PSMC3IP: variants seen among roughly 807,000 people sequenced by gnomAD.
PSMC3IP encodes PSMC3 interacting protein, also known as homologous-pairing protein 2 homolog.
In PSMC3IP, 26 loss-of-function variants were observed where a neutral mutation model predicts 34.9. The observed-to-expected ratio is 0.74, with a 90% confidence interval of 0.55 to 1.03. The LOEUF is 1.03. PSMC3IP is among the 50% of genes least tolerant of loss of function. The pLI, the probability that PSMC3IP is intolerant of heterozygous loss-of-function variation, is 0.00. For synonymous variants in PSMC3IP, 87 were observed against 96.5 expected, an observed-to-expected ratio of 0.90 and a Z score of 0.57; for missense variants, 250 against 263.1, an observed-to-expected ratio of 0.95 and a Z score of 0.34.
Position 42,574,141 on chromosome 17 carries a change from TAGC to T in PSMC3IP, c.292_294del (p.Ala98del). 1 of 1,614,176 alleles carries T rather than the reference TAGC, an allele frequency of 6.2e-7. No individual in the cohort carries two copies. Among genetic ancestry groups the T allele is most frequent in the Non-Finnish European group, 8.5e-7 (1 of 1,180,026 alleles). On this transcript the variant is annotated inframe_deletion, in exon 4 of 8. Transcript: ENST00000393795. ...CAGCTCTGCTGCAAGCTCTGCACCTTAGCAGTGAGGGCCACGATTTTGCCATCT... is the reference window on the plus strand; with the variant it reads ...CAGCTCTGCTGCAAGCTCTGCACCTTAGTGAGGGCCACGATTTTGCCATCT...
intron 3 of PSMC3IP, among the ~76,000 whole-genome samples, chr17:42,575,969 C>A (rs1394112110): frequency 6.6e-6 from 1 of 152,006 alleles, no homozygotes; most frequent in Admixed American, 6.6e-5. Context: ...TATAGTGAGC[C>A]GAGATTGTGC....
At chr17:42,576,083 G>C (rs573275190) in intron 3 of PSMC3IP, among the ~76,000 whole-genome samples, 1 of 152,130 alleles carries the variant, frequency 6.6e-6, no homozygotes, top group Admixed American at 6.6e-5. Flanking sequence ...CAATTAGCTC[G>C]GAGCATTCAA....
chr17:42,574,761 C>CT (rs768419736), intron 3 of PSMC3IP, among the ~76,000 whole-genome samples: 4 of 150,662 alleles, frequency 2.7e-5, no homozygotes, highest in African/African-American at 9.8e-5. Context: ...TTCTCCCTCC[C>CT]TTCCCTCTTT....
At chr17:42,574,341 A>G in intron 3 of PSMC3IP, 131 bp from the exon 4 acceptor site, 1 of 1,519,332 alleles carries the variant, frequency 6.6e-7, no homozygotes, top group Middle Eastern at 2.2e-4. Context: ...GGGTCTGCAG[A>G]AATAGTGGGA....
At position 42,577,445 on chromosome 17, in the gene PSMC3IP, G is replaced by T. The variant is rs549020083; in HGVS notation, c.135+16C>A. 6.2e-7 allele frequency: 1 copy of T among 1,613,218 alleles called. No individual in the cohort carries two copies. ...GGGAGTCCGACGGAGAGGGAATCCC[G>T]GGAGAAGGTCCTCACCGCCTTGCCC... On this transcript the variant is annotated intron_variant, in intron 2 of 7. Coordinates refer to ENST00000393795, the MANE Select transcript of PSMC3IP (RefSeq NM_016556.4).
chr17:42,574,649 T>C (rs2093061489), intron 3 of PSMC3IP, among the ~76,000 whole-genome samples: 1 of 151,998 alleles, frequency 6.6e-6, no homozygotes, highest in Non-Finnish European at 1.5e-5. Context: ...TGTCCTTTCT[T>C]CCCATCCTTC....
chr17:42,577,273 C>T lies in PSMC3IP; in HGVS notation c.165G>A (p.Ala55=). 2 of 1,614,068 alleles carry T rather than the reference C, an allele frequency of 1.2e-6. No homozygotes were observed. The highest frequency in any genetic ancestry group is 1.7e-6 in the Non-Finnish European group (2 of 1,180,012). The change falls in exon 3 of 8, where the codon GCG becomes GCA. Residue 55 remains alanine (A), a synonymous_variant. Coordinates refer to ENST00000393795, the MANE Select transcript of PSMC3IP (RefSeq NM_016556.4). ...TCTTCTCTTTGATCTTGCCTTGTTG[C>T]GCCAGCTGCTCCAGCGTCTTCACCA... ...AVVVKTLEQL[A]QQGKIKEKMY...
At chr17:42,577,117 T>C (rs2093080053) in intron 3 of PSMC3IP, 96 bp downstream of exon 3, 1 of 1,587,056 alleles carries the variant, frequency 6.3e-7, no homozygotes, top group Non-Finnish European at 8.6e-7. Context: ...AGGTGAGTTT[T>C]CCATGGGGGG....
chr17:42,573,633 C>T lies in PSMC3IP; in HGVS notation c.338-10G>A. 2 of 1,614,084 alleles carry T rather than the reference C, an allele frequency of 1.2e-6. No homozygotes were observed. The highest frequency in any genetic ancestry group is 2.2e-5 in the East Asian group (1 of 44,888). On this transcript the variant is annotated splice_polypyrimidine_tract_variant and intron_variant, in intron 4 of 7. Transcript: ENST00000393795. The stretch of plus-strand genomic sequence containing the variant: ...GATAATTCCTTGAGCTCTGAAACCA[C>T]ATCCGCCTGGGGTCACTTGCTACCC...
intron 6 of PSMC3IP, 39 bp from the exon 7 acceptor site, chr17:42,573,205 C>T (rs2093047774): frequency 9.3e-6 from 15 of 1,614,140 alleles, no homozygotes; most frequent in Non-Finnish European, 1.2e-5. Flanking sequence ...AGATGGGCAG[C>T]ACTGGGCACT....
At position 42,577,570 on chromosome 17, in the gene PSMC3IP, A is replaced by G; in HGVS notation, c.35-9T>C. Reference sequence around the variant, plus strand: ...CAGGAGGATCCCGGCGGCTACGGAGAGAAAGGCAGGGGAGGGGGCCACTCA... The same window carrying G: ...CAGGAGGATCCCGGCGGCTACGGAGGGAAAGGCAGGGGAGGGGGCCACTCA... On this transcript the variant is annotated splice_polypyrimidine_tract_variant and intron_variant, in intron 1 of 7. Coordinates refer to ENST00000393795, the MANE Select transcript of PSMC3IP (RefSeq NM_016556.4). The G allele has an allele frequency of 6.2e-7, 1 of 1,614,114 alleles. No individual in the cohort carries two copies. Among genetic ancestry groups the G allele is most frequent in the South Asian group, 1.1e-5 (1 of 91,082 alleles).
At position 42,572,927 on chromosome 17, in the gene PSMC3IP, C is replaced by G; in HGVS notation, c.*41G>C. The G allele has an allele frequency of 1.2e-6, 2 of 1,606,410 alleles. No individual in the cohort carries two copies. The highest frequency in any genetic ancestry group is 1.7e-6 in the Non-Finnish European group (2 of 1,173,704). ...AGCCAGTGCAAGACATCTCACTCTT[C>G]TGACATCCTGCAGTCCCCACCAGTC... On this transcript the variant is annotated 3_prime_UTR_variant, in exon 8 of 8. Coordinates refer to ENST00000393795, the MANE Select transcript of PSMC3IP (RefSeq NM_016556.4).
intron 3 of PSMC3IP, 167 bp downstream of exon 3, chr17:42,577,046 G>T: frequency 6.8e-7 from 1 of 1,473,936 alleles, no homozygotes; most frequent in Non-Finnish European, 9.1e-7. Context: ...TGGAAACCTC[G>T]TGAAGTTGGG....
chr17:42,574,077 T>C, intron 4 of PSMC3IP, 22 bp downstream of exon 4: 1 of 1,613,906 alleles, frequency 6.2e-7, no homozygotes, highest in Non-Finnish European at 8.5e-7. Context: ...ATGGGCACTT[T>C]GGAGGGGCTA....
rs748960947 is a variant in PSMC3IP, at chr17:42,577,608, A to G, written c.34+45T>C. On this transcript the variant is annotated intron_variant, in intron 1 of 7. Transcript: ENST00000393795. ...AGGGGGCCACTCAACCGACCTCCTC[A>G]CCCACTGCCCTCCCGGGTCTTCCCC... 1.5e-5 allele frequency: 24 copies of G among 1,613,912 alleles called. No individual in the cohort carries two copies. In the Admixed American group the frequency reaches 4.0e-4, roughly 27 times the overall value.
intron 6 of PSMC3IP, 22 bp from the exon 7 acceptor site, chr17:42,573,188 C>T (rs1404959571): frequency 6.8e-6 from 11 of 1,614,160 alleles, no homozygotes; most frequent in Middle Eastern, 1.6e-4. Context: ...TAAAACCACC[C>T]GTTTTCAGAT....
At chr17:42,577,739 G>A, upstream of PSMC3IP, 1 of 1,608,164 alleles carries the variant, frequency 6.2e-7, no homozygotes, top group Non-Finnish European at 8.5e-7. Context: ...TGCTCGGGGC[G>A]ACGGCTCCTT....
At chr17:42,576,321 C>T (rs182413088) in intron 3 of PSMC3IP, among the ~76,000 whole-genome samples, 2 of 152,168 alleles carry the variant, frequency 1.3e-5, no homozygotes, top group African/African-American at 4.8e-5. Context: ...CACTAGAGAG[C>T]CATTGAAGAG....
At chr17:42,574,836 C>T (rs2093064908) in intron 3 of PSMC3IP, among the ~76,000 whole-genome samples, 1 of 152,188 alleles carries the variant, frequency 6.6e-6, no homozygotes, top group Admixed American at 6.5e-5. Context: ...TGACTGCAAC[C>T]TCCGCCTCCT....
Sources: gnomAD v4.1 joint callset for allele counts (sites outside exome capture counted in the v4.1 genomes callset) on GRCh38, gnomAD v4.1.1 for gene constraint, MANE v1.5 for transcripts, NCBI Gene and HGNC (gene_info 2026-07-23, HGNC 2026-07-21) for gene names.